KCNT2: variants seen among roughly 807,000 people sequenced by gnomAD.
KCNT2 encodes potassium sodium-activated channel subfamily T member 2.
In KCNT2, 67 loss-of-function variants were observed where a neutral mutation model predicts 153.8. That is an observed-to-expected ratio of 0.44 (90% CI 0.36 to 0.53). The LOEUF (loss-of-function observed/expected upper bound fraction) is 0.53, where lower values mean the gene tolerates loss of function less well. KCNT2 is among the 20% of genes least tolerant of loss of function. The probability of loss-of-function intolerance (pLI) is 0.00; values close to 1 mark genes in which losing one functional copy is unlikely to be tolerated. For missense variants in KCNT2, 975 were observed against 1,354.8 expected (o/e 0.72, Z 4.40); for synonymous variants, 500 against 458.8 (o/e 1.09, Z -1.15).
chr1:196,385,679 C>T (rs930778590), intron 13 of KCNT2, among the ~76,000 whole-genome samples: 1 of 151,530 alleles, frequency 6.6e-6, no homozygotes, highest in Non-Finnish European at 1.5e-5. Flanking sequence ...GGCAATACCA[C>T]ATATCTCTTA....
At chr1:196,451,407 A>ATTTTTTTT (rs35621901) in intron 8 of KCNT2, among the ~76,000 whole-genome samples, 267 of 62,880 alleles carry the variant, frequency 4.2e-3, no homozygotes, top group African/African-American at 0.014. Context: ...CACCCAACAC[A>ATTTTTTTT]TTTTTTTTTT....
At chr1:196,524,972 T>C (rs1408641750) in intron 1 of KCNT2, among the ~76,000 whole-genome samples, 1 of 152,156 alleles carries the variant, frequency 6.6e-6, no homozygotes, top group Non-Finnish European at 1.5e-5. Flanking sequence ...TTGCTATGGT[T>C]GAAGTAGAGA....
At chr1:196,453,527 T>C (rs912515124) in intron 8 of KCNT2, among the ~76,000 whole-genome samples, 10 of 152,090 alleles carry the variant, frequency 6.6e-5, no homozygotes, top group Admixed American at 5.2e-4. Context: ...CAATAGACAG[T>C]AATTTTTGTT....
chr1:196,345,187 A>G (rs1242715735), intron 14 of KCNT2, among the ~76,000 whole-genome samples: 4 of 152,192 alleles, frequency 2.6e-5, no homozygotes, highest in African/African-American at 9.7e-5. Flanking sequence ...AACAATAAAC[A>G]TGAAAAAGCA....
chr1:196,410,991 C>T (rs988545023), intron 12 of KCNT2, among the ~76,000 whole-genome samples: 2 of 149,284 alleles, frequency 1.3e-5, no homozygotes, highest in African/African-American at 4.9e-5. Flanking sequence ...CTCCTTCTTT[C>T]CTTCCTTCCT....
chr1:196,523,845 A>G (rs1423047841), intron 1 of KCNT2, among the ~76,000 whole-genome samples: 1 of 152,204 alleles, frequency 6.6e-6, no homozygotes, highest in Non-Finnish European at 1.5e-5. Flanking sequence ...TTCTCTAATT[A>G]TAGATTAACT....
intron 8 of KCNT2, among the ~76,000 whole-genome samples, chr1:196,445,448 G>A (rs1043780017): frequency 7.9e-5 from 12 of 151,422 alleles, no homozygotes; most frequent in Middle Eastern, 3.4e-3. Context: ...TGGTCCAAAT[G>A]TAACCATTAA....
At chr1:196,228,464 T>C (rs1653663265) in intron 27 of KCNT2, 129 bp from the exon 28 acceptor site, 3 of 573,374 alleles carry the variant, frequency 5.2e-6, no homozygotes, top group East Asian at 3.0e-5. Context: ...GTATACAACA[T>C]TGGTGGTAGA....
chr1:196,296,374 A>G (rs1033644626), intron 22 of KCNT2, among the ~76,000 whole-genome samples: 1 of 152,036 alleles, frequency 6.6e-6, no homozygotes, highest in African/African-American at 2.4e-5. Context: ...AATTAATCTG[A>G]TACAGTTTGA....
chr1:196,579,232 CA>C (rs1430692970), intron 1 of KCNT2, among the ~76,000 whole-genome samples: 1 of 151,986 alleles, frequency 6.6e-6, no homozygotes, highest in Non-Finnish European at 1.5e-5. Flanking sequence ...GACAGAAAAC[CA>C]AATACAGCAT....
At chr1:196,296,368 A>C (rs1660676163) in intron 22 of KCNT2, among the ~76,000 whole-genome samples, 2 of 152,014 alleles carry the variant, frequency 1.3e-5, no homozygotes, top group Non-Finnish European at 2.9e-5. Flanking sequence ...ATATTCAATT[A>C]ATCTGATACA....
chr1:196,292,084 G>A (rs549088476), intron 22 of KCNT2, among the ~76,000 whole-genome samples: 1 of 152,190 alleles, frequency 6.6e-6, no homozygotes, highest in East Asian at 1.9e-4. Flanking sequence ...ACAATTCTAA[G>A]CAATACAACT....
intron 1 of KCNT2, among the ~76,000 whole-genome samples, chr1:196,579,170 T>C (rs377239221): frequency 6.6e-6 from 1 of 152,104 alleles, no homozygotes; most frequent in African/African-American, 2.4e-5. Context: ...ATATAGATTA[T>C]TTTCCTTTTT....
chr1:196,444,339 C>G (rs1030976149), intron 8 of KCNT2, among the ~76,000 whole-genome samples: 2 of 151,338 alleles, frequency 1.3e-5, no homozygotes, highest in African/African-American at 4.8e-5. Flanking sequence ...TACAATAATA[C>G]AAAAGGTCAA....
At chr1:196,288,823 A>T (rs570265515) in intron 22 of KCNT2, among the ~76,000 whole-genome samples, 1 of 152,172 alleles carries the variant, frequency 6.6e-6, no homozygotes, top group South Asian at 2.1e-4. Context: ...ATGCCAGTGG[A>T]CAGGTCCACC....
chr1:196,444,112 A>G (rs1557942512), intron 8 of KCNT2, among the ~76,000 whole-genome samples: 1 of 150,544 alleles, frequency 6.6e-6, no homozygotes, highest in Non-Finnish European at 1.5e-5. Context: ...GAGAGAGAGT[A>G]TGTGTGTGTG....
chr1:196,310,612 T>G (rs1000087931), intron 21 of KCNT2, among the ~76,000 whole-genome samples: 11 of 151,878 alleles, frequency 7.2e-5, no homozygotes, highest in Admixed American at 2.0e-4. Context: ...GTACATGTTG[T>G]TTCCTTCGTA....
chr1:196,235,050 G>A (rs1654308128), intron 27 of KCNT2, among the ~76,000 whole-genome samples: 2 of 151,536 alleles, frequency 1.3e-5, no homozygotes, highest in East Asian at 1.9e-4. Context: ...ATATGTCTAA[G>A]TGCTGTCCAT....
intron 12 of KCNT2, among the ~76,000 whole-genome samples, chr1:196,399,097 A>ATGTG (rs150605752): frequency 0.04 from 5,935 of 148,748 alleles, 156 homozygotes; most frequent in South Asian, 0.078. Flanking sequence ...ACCTGTGTGT[A>ATGTG]TGTGTGTGTG....
Sources: gnomAD v4.1 joint callset for allele counts (sites outside exome capture counted in the v4.1 genomes callset) on GRCh38, gnomAD v4.1.1 for gene constraint, MANE v1.5 for transcripts, NCBI Gene and HGNC (gene_info 2026-07-23, HGNC 2026-07-21) for gene names.